EPHA5: variants seen among roughly 807,000 people sequenced by gnomAD.
EPHA5 encodes the protein ephrin type-A receptor 5.
A neutral mutation model predicts 105.0 loss-of-function variants in EPHA5; 60 were observed. That is an observed-to-expected ratio of 0.57 (90% CI 0.46 to 0.71). The LOEUF (loss-of-function observed/expected upper bound fraction) is 0.71. Ranked by LOEUF, EPHA5 falls within the 30% of genes least tolerant of loss-of-function variation. The pLI is 0.00. For synonymous variants in EPHA5, 513 were observed against 449.1 expected (o/e 1.14, Z -1.80); for missense variants, 1,218 against 1,274.7 (o/e 0.96, Z 0.68).
At chr4:65,332,252 T>C (rs1720695129) in intron 15 of EPHA5, 124 bp from the exon 16 acceptor site, 3 of 688,646 alleles carry the variant, frequency 4.4e-6, no homozygotes, top group African/African-American at 3.8e-5. Flanking sequence ...AGAGGAAAAA[T>C]ATGCAAATGC....
intron 3 of EPHA5, among the ~76,000 whole-genome samples, chr4:65,527,551 C>T (rs1334101458): frequency 1.3e-5 from 2 of 152,048 alleles, no homozygotes; most frequent in African/African-American, 4.8e-5. Flanking sequence ...TGAAAAATGT[C>T]TTAAGCATTT....
intron 3 of EPHA5, among the ~76,000 whole-genome samples, chr4:65,508,400 A>G (rs1166792529): frequency 6.6e-6 from 1 of 152,132 alleles, no homozygotes; most frequent in East Asian, 1.9e-4. Context: ...ATAAAAGGAT[A>G]TGCAAGGTCT....
At chr4:65,398,604 A>G (rs1456951776) in intron 8 of EPHA5, among the ~76,000 whole-genome samples, 1 of 152,162 alleles carries the variant, frequency 6.6e-6, no homozygotes, top group Non-Finnish European at 1.5e-5. Context: ...GGCTGCCCAC[A>G]GTCCACTCAA....
In EPHA5 at chr4:65,651,627, CTTT is replaced by C. The variant is rs531259120; in HGVS notation, c.182-8203_182-8201del. 9.3e-3 allele frequency among the ~76,000 whole-genome samples: 1,420 copies of C among 152,098 alleles called. 25 individuals are homozygous for C. Among genetic ancestry groups the C allele is most frequent in the African/African-American group, 0.032 (1,325 of 41,490 alleles). ...ATTGTTTACTGCAAATAATGAGTGC[CTTT>C]TTTATTTCAAAATATTTTCATCTTT... On this transcript the variant is annotated intron_variant, in intron 1 of 16. Coordinates refer to ENST00000613740, the MANE Select transcript of EPHA5 (RefSeq NM_001281766.3).
chr4:65,412,189 T>C (rs762521775), intron 7 of EPHA5, among the ~76,000 whole-genome samples: 3 of 152,074 alleles, frequency 2.0e-5, no homozygotes, highest in Admixed American at 6.6e-5. Context: ...GATAGCTCCA[T>C]TGCACTCCAG....
chr4:65,485,439 T>C (rs1434441555), intron 5 of EPHA5, among the ~76,000 whole-genome samples: 2 of 152,170 alleles, frequency 1.3e-5, no homozygotes, highest in African/African-American at 4.8e-5. Flanking sequence ...ACAAGAACTA[T>C]AAATTTGAAC....
intron 14 of EPHA5, among the ~76,000 whole-genome samples, chr4:65,339,423 CACTT>C (rs1273205714): frequency 1.3e-5 from 2 of 152,034 alleles, no homozygotes; most frequent in African/African-American, 4.8e-5. Context: ...GTTAAGTCCT[CACTT>C]AATATCATGG....
intron 3 of EPHA5, among the ~76,000 whole-genome samples, chr4:65,586,058 A>G (rs1742091775): frequency 6.6e-6 from 1 of 151,646 alleles, no homozygotes; most frequent in South Asian, 2.1e-4. Flanking sequence ...GAAGAGAGAG[A>G]GTACACTTAG....
chr4:65,381,426 C>A (rs1458242795), intron 8 of EPHA5, among the ~76,000 whole-genome samples: 2 of 151,528 alleles, frequency 1.3e-5, no homozygotes, highest in Non-Finnish European at 2.9e-5. Context: ...TTAGTTCACC[C>A]TGGTTTCATT....
intron 16 of EPHA5, among the ~76,000 whole-genome samples, chr4:65,324,586 T>A (rs10517931): frequency 0.11 from 16,945 of 151,280 alleles, 1,301 homozygotes; most frequent in East Asian, 0.33. Flanking sequence ...TAAGCACTTA[T>A]TTTTGCTAAA....
At position 65,366,011 on chromosome 4, in the gene EPHA5, C is replaced by G. The variant is rs1331971228; in HGVS notation, c.1908G>C (p.Glu636Asp). The change falls in exon 10 of 17, where the codon GAG (glutamate) becomes GAC (aspartate). Residue 636 changes from glutamate (E) to aspartate (D), a missense_variant. This residue lies in a region of EPHA5 where 971 missense variants were observed against 1,013.5 expected (regional missense o/e 0.96). Transcript: ENST00000613740. ...ATTCGTGGACAGCTTGATTGGGATC[C>G]TCATAGGTATGTGGATCAATGTAAG... ...VRTYIDPHTYEDPNQAVHEFA... is the reference protein window; with the variant it reads ...VRTYIDPHTYDDPNQAVHEFA... 1 of 1,605,116 alleles carries G rather than the reference C, an allele frequency of 6.2e-7. No individual in the cohort carries two copies. The highest frequency in any genetic ancestry group is 1.3e-5 in the African/African-American group (1 of 74,676).
intron 5 of EPHA5, among the ~76,000 whole-genome samples, chr4:65,465,797 G>A (rs1205179569): frequency 1.3e-5 from 2 of 152,056 alleles, no homozygotes; most frequent in Non-Finnish European, 2.9e-5. Context: ...ATATAACCTG[G>A]AATTTCCTAA....
intron 3 of EPHA5, among the ~76,000 whole-genome samples, chr4:65,595,050 T>C (rs1167361276): frequency 6.6e-6 from 1 of 151,918 alleles, no homozygotes; most frequent in Non-Finnish European, 1.5e-5. Context: ...TGTATTAAAA[T>C]AGATTTCTGC....
At chr4:65,600,243 T>C (rs559787326) in intron 3 of EPHA5, among the ~76,000 whole-genome samples, 74 of 152,286 alleles carry the variant, frequency 4.9e-4, no homozygotes, top group African/African-American at 1.7e-3. Flanking sequence ...AGAACATTTC[T>C]TTAATTCCAG....
At chr4:65,524,612 A>G (rs1378046858) in intron 3 of EPHA5, among the ~76,000 whole-genome samples, 1 of 151,826 alleles carries the variant, frequency 6.6e-6, no homozygotes, top group Non-Finnish European at 1.5e-5. Flanking sequence ...TAACTCCTAG[A>G]GAAAGGAAGT....
chr4:65,664,027 A>G (rs949062090), intron 1 of EPHA5, among the ~76,000 whole-genome samples: 23 of 151,992 alleles, frequency 1.5e-4, no homozygotes, highest in African/African-American at 5.5e-4. Flanking sequence ...AAATTGCTAC[A>G]CTGCTTCCAT....
At chr4:65,541,770 C>G (rs563349400) in intron 3 of EPHA5, among the ~76,000 whole-genome samples, 1 of 152,080 alleles carries the variant, frequency 6.6e-6, no homozygotes, top group African/African-American at 2.4e-5. Context: ...GAGCCCTCCA[C>G]CCCAAAGCAA....
At chr4:65,668,504 T>C (rs1044225488) in intron 1 of EPHA5, among the ~76,000 whole-genome samples, 1 of 151,910 alleles carries the variant, frequency 6.6e-6, no homozygotes, top group Non-Finnish European at 1.5e-5. Flanking sequence ...CCTCCGCGAG[T>C]AATGCGCCCT....
intron 8 of EPHA5, among the ~76,000 whole-genome samples, chr4:65,392,759 T>C (rs554048847): frequency 6.6e-6 from 1 of 152,202 alleles, no homozygotes; most frequent in Non-Finnish European, 1.5e-5. Context: ...GATATTAAAG[T>C]TTTTCATTTT....
Sources: gnomAD v4.1 joint callset for allele counts (sites outside exome capture counted in the v4.1 genomes callset) on GRCh38, gnomAD v4.1.1 for gene constraint, gnomAD v4.1.1 regional missense constraint, MANE v1.5 for transcripts, NCBI Gene and HGNC (gene_info 2026-07-23, HGNC 2026-07-21) for gene names.